ABCC10: variants seen among roughly 807,000 people sequenced by gnomAD.
ABCC10 encodes the protein ATP binding cassette subfamily C member 10, also known as ATP-binding cassette sub-family C member 10.
ABCC10 carries 110 observed loss-of-function variants against 143.2 expected under a neutral mutation model. The ratio of observed to expected loss-of-function variants is 0.77; its 90% confidence interval spans 0.66 to 0.90. The LOEUF (loss-of-function observed/expected upper bound fraction) is 0.90, where lower values mean the gene tolerates loss of function less well. ABCC10 is among the 40% of genes least tolerant of loss of function. ABCC10 has a pLI of 0.00. For synonymous variants in ABCC10, 805 were observed against 846.7 expected, an observed-to-expected ratio of 0.95 and a Z score of 0.85; for missense variants, 1,700 against 1,900.5, an observed-to-expected ratio of 0.89 and a Z score of 1.96.
intron 6 of ABCC10, among the ~76,000 whole-genome samples, chr6:43,437,335 T>G (rs777955064): frequency 6.9e-6 from 1 of 145,902 alleles, no homozygotes; most frequent in Non-Finnish European, 1.5e-5. Context: ...CACAGGCAGA[T>G]AGAGCTTCTG....
At chr6:43,434,320 G>A (rs1329670488) in intron 3 of ABCC10, among the ~76,000 whole-genome samples, 1 of 152,230 alleles carries the variant, frequency 6.6e-6, no homozygotes, top group Non-Finnish European at 1.5e-5. Context: ...GTGGTGACCT[G>A]GCTCCACCTT....
chr6:43,447,894 C>T lies in ABCC10; in HGVS notation c.3916C>T (p.Leu1306=). 1.2e-6 allele frequency: 2 copies of T among 1,613,830 alleles called. No individual in the cohort carries two copies. Among genetic ancestry groups the T allele is most frequent in the Non-Finnish European group, 8.5e-7 (1 of 1,180,022 alleles). ...LLEPSSGRVL[L]DGVDTSQLEL... The stretch of plus-strand genomic sequence containing the variant: ...AGAGCCCAGTTCAGGGCGAGTGCTG[C>T]TGGACGGCGTGGACACCAGCCAGCT... Residue 1306 remains leucine (L), a synonymous_variant, in exon 18 of 22, where the codon CTG becomes TTG. Transcript: ENST00000372530.
At chr6:43,430,258 T>C (rs1262419523) in intron 2 of ABCC10, among the ~76,000 whole-genome samples, 2 of 151,396 alleles carry the variant, frequency 1.3e-5, no homozygotes, top group Admixed American at 6.6e-5. Context: ...GCCTGGCCAG[T>C]TTTCGTATTT....
intron 3 of ABCC10, among the ~76,000 whole-genome samples, chr6:43,433,723 C>T (rs1266280360): frequency 3.9e-5 from 6 of 152,186 alleles, no homozygotes; most frequent in African/African-American, 9.7e-5. Context: ...TGGCTCCAAA[C>T]AGGTCTTTAG....
chr6:43,446,031 G>C, intron 15 of ABCC10, 89 bp downstream of exon 15: 1 of 1,408,950 alleles, frequency 7.1e-7, no homozygotes, highest in African/African-American at 1.4e-5. Context: ...GGTATGGTTG[G>C]TTCAGCCCTC....
chr6:43,437,886 C>G, intron 6 of ABCC10, 48 bp from the exon 7 acceptor site: 1 of 1,579,702 alleles, frequency 6.3e-7, no homozygotes, highest in Non-Finnish European at 8.6e-7. Flanking sequence ...ACTGCCACCT[C>G]TGTCCTGTCT....
At chr6:43,436,775 C>G (rs1463676659) in intron 6 of ABCC10, among the ~76,000 whole-genome samples, 3 of 152,216 alleles carry the variant, frequency 2.0e-5, no homozygotes, top group African/African-American at 4.8e-5. Context: ...TGACCTTTGT[C>G]CAACCCTGTG....
Position 43,438,687 on chromosome 6 carries a change from C to G in ABCC10, c.2019C>G (p.Pro673=). ...GCTTTGGCCTGGCCACCCAGGAACC[C>G]TGGATCCAGTTTGCCACCATCCGAG... ...SKGFGLATQE[P]WIQFATIRDN... The change falls in exon 8 of 22, where the codon CCC becomes CCG. Residue 673 remains proline (P), a synonymous_variant. Transcript: ENST00000372530. 2 of 1,614,234 alleles carry G rather than the reference C, an allele frequency of 1.2e-6. No homozygotes were observed. The highest frequency in any genetic ancestry group is 1.7e-6 in the Non-Finnish European group (2 of 1,180,038).
intron 9 of ABCC10, 32 bp downstream of exon 9, chr6:43,441,992 G>C: frequency 6.3e-7 from 1 of 1,586,760 alleles, no homozygotes; most frequent in South Asian, 1.1e-5. Flanking sequence ...CAGTGGCAGG[G>C]AGGTGGGGGG....
downstream of ABCC10, chr6:43,451,828 C>T (rs150553624): frequency 1.3e-3 from 1,893 of 1,478,764 alleles, 16 homozygotes; most frequent in African/African-American, 0.019. This position sits in a 1 kb window ranked among gnomAD's most constrained non-coding sequence, Gnocchi z 4.4. Flanking sequence ...TGAGTGTCCC[C>T]GTGTGGGTCT....
At chr6:43,449,596 G>C (rs1232151641) in intron 21 of ABCC10, 62 bp downstream of exon 21, 1 of 1,408,630 alleles carries the variant, frequency 7.1e-7, no homozygotes, top group East Asian at 2.3e-5. Flanking sequence ...GAGAGCCTCC[G>C]TTGCTTTCAG....
At chr6:43,430,621 A>C (rs1581698331) in intron 2 of ABCC10, 1 of 152,006 alleles carries the variant, frequency 6.6e-6, no homozygotes, top group African/African-American at 2.4e-5. Flanking sequence ...TTTTTTAGTA[A>C]CCTAGCCGTG....
chr6:43,427,886 G>A (rs1487685220), intron 1 of ABCC10, 82 bp from the exon 2 acceptor site: 3 of 1,502,904 alleles, frequency 2.0e-6, no homozygotes, highest in Non-Finnish European at 2.8e-6. Context: ...GGGCGGGGCT[G>A]GAGACAGGGA....
At chr6:43,445,505 T>G in intron 14 of ABCC10, 94 bp from the exon 15 acceptor site, 1 of 1,421,358 alleles carries the variant, frequency 7.0e-7, no homozygotes, top group Admixed American at 1.8e-5. Flanking sequence ...TTCTCTATCT[T>G]GGGCCTTCCC....
At chr6:43,428,987 G>T (rs1780801238) in intron 2 of ABCC10, among the ~76,000 whole-genome samples, 1 of 152,204 alleles carries the variant, frequency 6.6e-6, no homozygotes, top group Non-Finnish European at 1.5e-5. Context: ...AGACCAAGCG[G>T]ATACACAGCT....
chr6:43,430,340 C>T (rs1383176850), intron 2 of ABCC10, among the ~76,000 whole-genome samples: 1 of 152,154 alleles, frequency 6.6e-6, no homozygotes, highest in Non-Finnish European at 1.5e-5. Context: ...ATCCACCTGC[C>T]TCTGCCTCCC....
chr6:43,447,487 GC>G, intron 17 of ABCC10, 79 bp downstream of exon 17: 1 of 1,562,626 alleles, frequency 6.4e-7, no homozygotes, highest in Non-Finnish European at 8.6e-7. Flanking sequence ...CTTTCTTTTT[GC>G]CCACCCATCT....
At position 43,449,538 on chromosome 6, in the gene ABCC10, T is replaced by C. The variant is rs1783522866; in HGVS notation, c.4316+4T>C. 2 of 1,609,646 alleles carry C rather than the reference T, an allele frequency of 1.2e-6. No homozygotes were observed. The highest frequency in any genetic ancestry group is 2.7e-5 in the African/African-American group (2 of 74,686). ...CAGTGCTGACCATTGCCCATAGGTATGTAAACGCCTGGTAACAGCCTAATC... is the reference window on the plus strand; with the variant it reads ...CAGTGCTGACCATTGCCCATAGGTACGTAAACGCCTGGTAACAGCCTAATC... On this transcript the variant is annotated splice_donor_region_variant and intron_variant, in intron 21 of 21. Coordinates refer to ENST00000372530, the MANE Select transcript of ABCC10 (RefSeq NM_001198934.2).
intron 3 of ABCC10, among the ~76,000 whole-genome samples, chr6:43,433,950 A>G (rs984572670): frequency 6.6e-6 from 1 of 152,238 alleles, no homozygotes; most frequent in Non-Finnish European, 1.5e-5. Flanking sequence ...ACCTTCACAA[A>G]GGGGATGGCA....
Sources: allele counts gnomAD v4.1 joint callset (sites outside exome capture counted in the v4.1 genomes callset), GRCh38; gene constraint gnomAD v4.1.1; non-coding constraint Gnocchi (gnomAD v3.1); transcripts MANE v1.5; gene names NCBI Gene and HGNC (gene_info 2026-07-23, HGNC 2026-07-21).